Variants in CLK4 observed in about 807,000 individuals in gnomAD.
CLK4 encodes the protein dual specificity protein kinase CLK4.
A neutral mutation model predicts 64.4 loss-of-function variants in CLK4; 37 were observed. That is an observed-to-expected ratio of 0.57 (90% CI 0.44 to 0.76). The LOEUF (loss-of-function observed/expected upper bound fraction) is 0.76. CLK4 is among the 30% of genes least tolerant of loss of function. The pLI is 0.00. For missense variants in CLK4, 457 were observed against 605.1 expected, an observed-to-expected ratio of 0.76 and a Z score of 2.57; for synonymous variants, 175 against 191.6, an observed-to-expected ratio of 0.91 and a Z score of 0.72.
chr5:178,613,412 C>G (rs1282896944), intron 7 of CLK4, 61 bp downstream of exon 7: 2 of 1,145,696 alleles, frequency 1.7e-6, no homozygotes, highest in Non-Finnish European at 2.3e-6. Flanking sequence ...GAGCGAGACT[C>G]CGTCTCAAAA....
intron 2 of CLK4, chr5:178,619,795 G>A (rs1483690286): frequency 7.8e-7 from 1 of 1,289,096 alleles, no homozygotes; most frequent in Non-Finnish European, 1.0e-6. Flanking sequence ...GGAAAGAAAA[G>A]GACATAGATT....
chr5:178,611,435 C>T (rs543862), intron 9 of CLK4, among the ~76,000 whole-genome samples: 95,682 of 152,024 alleles, frequency 0.63, 31,528 homozygotes, highest in African/African-American at 0.83. Flanking sequence ...TTAATGTAAA[C>T]TCAAAACTCA....
At chr5:178,621,325 T>G (rs931236708) in intron 2 of CLK4, among the ~76,000 whole-genome samples, 10 of 152,198 alleles carry the variant, frequency 6.6e-5, no homozygotes, top group Non-Finnish European at 1.5e-4. Context: ...TACAGGCTTC[T>G]GACCACAATA....
At chr5:178,607,247 C>G (rs1764480224) in intron 10 of CLK4, among the ~76,000 whole-genome samples, 1 of 151,954 alleles carries the variant, frequency 6.6e-6, no homozygotes. Context: ...CAAACCAATA[C>G]CTTGCGAAGT....
rs751244289 is a variant in CLK4, at chr5:178,616,909, T to C, written c.515A>G (p.Lys172Arg). ...GCCATGATCAATGCACTCTACAACT[T>C]TGCCAAAGGCTCCTTCACCCAAAGT... The part of the protein sequence containing the change: ...VDTLGEGAFG[K>R]VVECIDHGMD... The change falls in exon 5 of 13, where the codon AAA (lysine) becomes AGA (arginine). Residue 172 changes from lysine (K) to arginine (R), a missense_variant. Transcript: ENST00000316308. 5 of 1,613,880 alleles carry C rather than the reference T, an allele frequency of 3.1e-6. No individual in the cohort carries two copies. Among genetic ancestry groups the C allele is most frequent in the African/African-American group, 2.7e-5 (2 of 74,928 alleles).
At chr5:178,619,593 A>T (rs1416461554) in intron 2 of CLK4, 1 of 243,758 alleles carries the variant, frequency 4.1e-6, no homozygotes, top group Non-Finnish European at 8.4e-6. Context: ...CTGTTTGAGA[A>T]ATACCTAAGA....
At chr5:178,620,199 C>T in intron 2 of CLK4, 2 of 278,250 alleles carry the variant, frequency 7.2e-6, no homozygotes, top group East Asian at 1.6e-4. Flanking sequence ...TTGGGTAAGA[C>T]TGTGGGTAGT....
chr5:178,622,367 C>A, intron 2 of CLK4: 1 of 943,990 alleles, frequency 1.1e-6, no homozygotes. Context: ...AGTCTGTTAA[C>A]GTGGAGAAGG....
Position 178,615,640 on chromosome 5 carries a change from C to G in CLK4, c.542+1242G>C, listed in dbSNP as rs1018269283. Reference sequence around the variant, plus strand: ...CAAGCTGCTATGGTATTTAGATTCCCTGAAATGCATTTAGAGAGAGGTAAG... The same window carrying G: ...CAAGCTGCTATGGTATTTAGATTCCGTGAAATGCATTTAGAGAGAGGTAAG... On this transcript the variant is annotated intron_variant, in intron 5 of 12. Transcript: ENST00000316308. 2.6e-5 allele frequency among the ~76,000 whole-genome samples: 4 copies of G among 152,056 alleles called. No individual in the cohort carries two copies. In the East Asian group the frequency reaches 7.7e-4, roughly 29 times the overall value.
Position 178,612,427 on chromosome 5 carries a change from T to C in CLK4, c.1040A>G (p.Glu347Gly). Reference sequence around the variant, plus strand: ...TGGTGTCTACTGACCCAAAATGACCTCGGGAGCTCTGTAGTGCCGGGTAGA... The same window carrying C: ...TGGTGTCTACTGACCCAAAATGACCCCGGGAGCTCTGTAGTGCCGGGTAGA... ...LVSTRHYRAP[E>G]VILALGWSQP... Residue 347 changes from glutamate (E) to glycine (G), a missense_variant, in exon 9 of 13, where the codon GAG (glutamate) becomes GGG (glycine). Physicochemically the swap from Glu to Gly is moderately conservative, Grantham distance 98. Coordinates refer to ENST00000316308, the MANE Select transcript of CLK4 (RefSeq NM_020666.3). The C allele has an allele frequency of 1.2e-6, 2 of 1,611,798 alleles. No homozygotes were observed. The highest frequency in any genetic ancestry group is 2.2e-5 in the South Asian group (2 of 90,754).
intron 1 of CLK4, among the ~76,000 whole-genome samples, chr5:178,626,630 G>C (rs1460473817): frequency 6.6e-6 from 1 of 152,242 alleles, no homozygotes; most frequent in African/African-American, 2.4e-5. Context: ...ACAGGTCCTA[G>C]CGCCCGCCGG....
At chr5:178,618,876 A>C in intron 2 of CLK4, 98 bp from the exon 3 acceptor site, 1 of 830,682 alleles carries the variant, frequency 1.2e-6, no homozygotes, top group Non-Finnish European at 1.9e-6. Flanking sequence ...CAGCTAACTC[A>C]ATATAAGAAA....
intron 2 of CLK4, among the ~76,000 whole-genome samples, chr5:178,619,043 A>G (rs940150235): frequency 5.3e-5 from 8 of 152,202 alleles, no homozygotes; most frequent in African/African-American, 1.9e-4. Flanking sequence ...ATTCATGTCT[A>G]GTGTTTACTT....
intron 2 of CLK4, chr5:178,620,139 C>T (rs1199886205): frequency 6.7e-6 from 2 of 298,750 alleles, no homozygotes; most frequent in South Asian, 3.0e-5. Flanking sequence ...GGTTCTCTTT[C>T]CCTAGCATCA....
intron 8 of CLK4, 116 bp from the exon 9 acceptor site, chr5:178,612,661 C>A: frequency 8.3e-7 from 1 of 1,210,340 alleles, no homozygotes; most frequent in Non-Finnish European, 1.2e-6. Context: ...ATGAGAAAGG[C>A]AAAGAAGGAT....
intron 2 of CLK4, chr5:178,622,982 G>A (rs1764729387): frequency 2.8e-6 from 1 of 355,982 alleles, no homozygotes; most frequent in Admixed American, 4.9e-5. Context: ...TGGCAGTTGG[G>A]ACTCACCATG....
intron 10 of CLK4, among the ~76,000 whole-genome samples, chr5:178,607,698 G>A (rs936108073): frequency 7.4e-4 from 113 of 151,740 alleles, no homozygotes; most frequent in African/African-American, 2.7e-3. Flanking sequence ...TTTTAGTAGA[G>A]ACAGGGTTTC....
In CLK4 at chr5:178,611,076, G is replaced by GA. The variant is rs991796374; in HGVS notation, c.1051+1339dup. 4.9e-3 allele frequency among the ~76,000 whole-genome samples: 658 copies of GA among 135,340 alleles called. 4 individuals are homozygous for GA. The highest frequency in any genetic ancestry group is 0.016 in the African/African-American group (578 of 36,650). 88.8% of individuals were successfully genotyped at this position (135,340 alleles called of 152,430 possible). On this transcript the variant is annotated intron_variant, in intron 9 of 12. Transcript: ENST00000316308. ...TGACAAAGTGAAACTCCATCTCAAA[G>GA]AAAAAAAAAAGGGGGGGGTTACTAT...
chr5:178,617,330 A>G lies in CLK4; in HGVS notation c.475+14T>C. ...TTCTGCAAAGTTTAAAAAGTGTTGA[A>G]AAATATTCTATACATCTTGCTCTTA... On this transcript the variant is annotated intron_variant, in intron 4 of 12. Coordinates refer to ENST00000316308, the MANE Select transcript of CLK4 (RefSeq NM_020666.3). The surrounding 1 kb of genome is among the most constrained non-coding windows in gnomAD (Gnocchi z 5.2). 1 of 1,596,978 alleles carries G rather than the reference A, an allele frequency of 6.3e-7. No homozygotes were observed. The highest frequency in any genetic ancestry group is 1.7e-4 in the Middle Eastern group (1 of 6,032).
Sources: allele counts gnomAD v4.1 joint callset (sites outside exome capture counted in the v4.1 genomes callset), GRCh38; gene constraint gnomAD v4.1.1; non-coding constraint Gnocchi (gnomAD v3.1); transcripts MANE v1.5; gene names NCBI Gene and HGNC (gene_info 2026-07-23, HGNC 2026-07-21).